The following FOXP1 variants were observed in gnomAD, a reference collection of about 807,000 sequenced individuals.
FOXP1 encodes forkhead box protein P1.
Under a neutral mutation model 98.2 loss-of-function variants are expected in FOXP1, and 15 were observed. That is an observed-to-expected ratio of 0.15 (90% CI 0.10 to 0.24). The LOEUF (loss-of-function observed/expected upper bound fraction) is 0.24. Ranked by LOEUF, FOXP1 falls within the 10% of genes least tolerant of loss-of-function variation. FOXP1 has a pLI of 1.00. For synonymous variants in FOXP1, 371 were observed against 314.5 expected (o/e 1.18, Z -1.90); for missense variants, 633 against 848.5 (o/e 0.75, Z 3.15).
At position 71,317,833 on chromosome 3, in the gene FOXP1, A is replaced by G. The variant is rs1336303202; in HGVS notation, c.-72-17953T>C. Among the ~76,000 whole-genome samples the G allele has an allele frequency of 6.6e-5, 10 of 151,908 alleles. No homozygotes were observed. The East Asian group carries it at 1.9e-3, about 29-fold the overall frequency. On this transcript the variant is annotated intron_variant, in intron 4 of 20. Coordinates refer to ENST00000649528, the MANE Select transcript of FOXP1 (RefSeq NM_001349338.3). The stretch of plus-strand genomic sequence containing the variant: ...AAACCAGGCTCTAGAACTAATACAC[A>G]ATGAAAAATAAATTTAAAGCAGCCT...
chr3:71,033,602 C>CAAAAAAAAAAAAAAAAA (rs35470748), intron 11 of FOXP1, among the ~76,000 whole-genome samples: 3 of 70,692 alleles, frequency 4.2e-5, no homozygotes, highest in Non-Finnish European at 1.1e-4. Context: ...AGTGAACAGT[C>CAAAAAAAAAAAAAAAAA]AAAAAAAAAA....
At chr3:71,046,240 T>G (rs1277426702) in intron 10 of FOXP1, among the ~76,000 whole-genome samples, 1 of 152,220 alleles carries the variant, frequency 6.6e-6, no homozygotes, top group Non-Finnish European at 1.5e-5. Context: ...TTGTTTCTGA[T>G]GTCCATCACC....
At chr3:71,110,518 C>A (rs1320742902) in intron 7 of FOXP1, among the ~76,000 whole-genome samples, 2 of 152,122 alleles carry the variant, frequency 1.3e-5, no homozygotes, top group African/African-American at 2.4e-5. Context: ...AAAGAATGGA[C>A]CATCATTTGA....
chr3:71,440,228 T>C (rs1441792557), intron 3 of FOXP1, among the ~76,000 whole-genome samples: 1 of 152,048 alleles, frequency 6.6e-6, no homozygotes, highest in African/African-American at 2.4e-5. Flanking sequence ...CTTCAAAACA[T>C]TTAAGATGAT....
chr3:71,582,614 G>A (rs1578280116), intron 1 of FOXP1: 2 of 985,460 alleles, frequency 2.0e-6, no homozygotes, highest in Non-Finnish European at 2.4e-6. Context: ...CTTCAGAGGG[G>A]GGTAAAATCA....
At chr3:70,988,347 T>G (rs1347712993) in intron 13 of FOXP1, among the ~76,000 whole-genome samples, 2 of 152,194 alleles carry the variant, frequency 1.3e-5, no homozygotes, top group Non-Finnish European at 2.9e-5. Flanking sequence ...CACAGACAGC[T>G]AAAAGACAAA....
chr3:71,379,711 A>G (rs1015763995), intron 3 of FOXP1, among the ~76,000 whole-genome samples: 1 of 152,248 alleles, frequency 6.6e-6, no homozygotes, highest in Non-Finnish European at 1.5e-5. Flanking sequence ...GGACACCACC[A>G]TTCCCATTCA....
intron 7 of FOXP1, among the ~76,000 whole-genome samples, chr3:71,077,477 A>G (rs952182780): frequency 6.6e-6 from 1 of 152,214 alleles, no homozygotes; most frequent in African/African-American, 2.4e-5. Flanking sequence ...AACAAAAAGT[A>G]TTCCTCTGTT....
intron 3 of FOXP1, among the ~76,000 whole-genome samples, chr3:71,361,170 G>A (rs1052058486): frequency 3.3e-5 from 5 of 152,190 alleles, no homozygotes; most frequent in African/African-American, 1.2e-4. Flanking sequence ...GGTAAAGGCT[G>A]TAATCGTTCA....
chr3:71,323,377 T>C (rs1285957205), intron 4 of FOXP1, among the ~76,000 whole-genome samples: 2 of 152,134 alleles, frequency 1.3e-5, no homozygotes, highest in East Asian at 3.9e-4. Context: ...GGGAGGACCA[T>C]CCCAACACAG....
chr3:71,306,860 TCAA>T (rs2074320153), intron 4 of FOXP1, among the ~76,000 whole-genome samples: 1 of 152,102 alleles, frequency 6.6e-6, no homozygotes, highest in Non-Finnish European at 1.5e-5. Context: ...ATAATTACAG[TCAA>T]CAATTTTCTC....
chr3:70,989,228 A>G (rs1464097779), intron 13 of FOXP1, among the ~76,000 whole-genome samples: 8 of 152,234 alleles, frequency 5.3e-5, no homozygotes, highest in Admixed American at 5.2e-4. Flanking sequence ...GGGAAACCGT[A>G]CAAAAGGGAG....
chr3:71,444,647 G>A (rs1398294536), intron 3 of FOXP1, among the ~76,000 whole-genome samples: 1 of 152,164 alleles, frequency 6.6e-6, no homozygotes, highest in Non-Finnish European at 1.5e-5. Context: ...AGGCCTGCCA[G>A]CTGCCTGGAA....
At chr3:71,365,338 T>G (rs1577147645) in intron 3 of FOXP1, among the ~76,000 whole-genome samples, 1 of 152,068 alleles carries the variant, frequency 6.6e-6, no homozygotes, top group South Asian at 2.1e-4. Flanking sequence ...ACCCCATGCC[T>G]GGTTCTTTCC....
intron 3 of FOXP1, among the ~76,000 whole-genome samples, chr3:71,465,646 T>C (rs2088631721): frequency 6.6e-6 from 1 of 152,212 alleles, no homozygotes; most frequent in African/African-American, 2.4e-5. Flanking sequence ...CACTCATTGT[T>C]GTCTTAGCAC....
chr3:71,380,167 G>A (rs1347988781), intron 3 of FOXP1, among the ~76,000 whole-genome samples: 1 of 152,180 alleles, frequency 6.6e-6, no homozygotes, highest in Non-Finnish European at 1.5e-5. Flanking sequence ...ATGTAAATAA[G>A]ACTTCCAGAT....
chr3:71,563,569 T>C (rs1418187347), intron 2 of FOXP1, among the ~76,000 whole-genome samples: 2 of 152,232 alleles, frequency 1.3e-5, no homozygotes, highest in Admixed American at 1.3e-4. Flanking sequence ...TTTAAACATT[T>C]GGAAAACTTT....
intron 3 of FOXP1, among the ~76,000 whole-genome samples, chr3:71,481,582 T>C (rs954065362): frequency 5.3e-5 from 8 of 152,244 alleles, no homozygotes; most frequent in African/African-American, 1.9e-4. Flanking sequence ...AATCATGATA[T>C]TTGCATCTTA....
intron 6 of FOXP1, among the ~76,000 whole-genome samples, chr3:71,180,488 T>A (rs577441522): frequency 6.6e-6 from 1 of 151,886 alleles, no homozygotes; most frequent in Non-Finnish European, 1.5e-5. Flanking sequence ...GAAAAAAAAA[T>A]AGACATGCCA....
Sources: gnomAD v4.1 joint callset for allele counts (sites outside exome capture counted in the v4.1 genomes callset) on GRCh38, gnomAD v4.1.1 for gene constraint, MANE v1.5 for transcripts, NCBI Gene and HGNC (gene_info 2026-07-23, HGNC 2026-07-21) for gene names.